Variants in SCHIP1 observed in about 807,000 individuals in gnomAD.
SCHIP1 encodes the protein schwannomin-interacting protein 1.
A neutral mutation model predicts 29.7 loss-of-function variants in SCHIP1; 8 were observed. That is an observed-to-expected ratio of 0.27 (90% confidence interval 0.16 to 0.49). The LOEUF (loss-of-function observed/expected upper bound fraction) is 0.49. Ranked by LOEUF, SCHIP1 falls within the 20% of genes least tolerant of loss-of-function variation. SCHIP1 has a pLI of 0.99. For missense variants in SCHIP1, 193 were observed against 294.6 expected, an observed-to-expected ratio of 0.66 and a Z score of 2.52; for synonymous variants, 76 against 94.9, an observed-to-expected ratio of 0.80 and a Z score of 1.16.
the SCHIP1 span, among the ~76,000 whole-genome samples, chr3:159,365,297 G>GTTAT: frequency 6.6e-6 from 1 of 152,092 alleles, no homozygotes; most frequent in African/African-American, 2.4e-5. Context: ...TATGTCACAG[G>GTTAT]TTATTACATG....
the SCHIP1 span, among the ~76,000 whole-genome samples, chr3:159,756,205 C>A: frequency 1.3e-5 from 2 of 152,238 alleles, no homozygotes; most frequent in East Asian, 3.8e-4. Context: ...GAGGGCCCCA[C>A]CCTTGCAGCA....
chr3:159,539,546 G>C, the SCHIP1 span, among the ~76,000 whole-genome samples: 1 of 135,332 alleles, frequency 7.4e-6, no homozygotes, highest in Non-Finnish European at 1.7e-5. Flanking sequence ...ACATATTTCT[G>C]TCCCTTCCCC....
the SCHIP1 span, among the ~76,000 whole-genome samples, chr3:159,296,883 A>G: frequency 6.6e-6 from 1 of 152,202 alleles, no homozygotes; most frequent in Admixed American, 6.5e-5. Context: ...TTATTATCTT[A>G]TAAACTAAAT....
chr3:159,684,837 G>GAA, the SCHIP1 span, among the ~76,000 whole-genome samples: 1 of 136,958 alleles, frequency 7.3e-6, no homozygotes, highest in East Asian at 2.1e-4. Context: ...AAAGAAAAAA[G>GAA]AAAAAAAAAA....
the SCHIP1 span, among the ~76,000 whole-genome samples, chr3:159,308,819 A>G: frequency 6.6e-6 from 1 of 152,184 alleles, no homozygotes; most frequent in Non-Finnish European, 1.5e-5. Context: ...ACACCATGGA[A>G]TACTATACAG....
the SCHIP1 span, among the ~76,000 whole-genome samples, chr3:159,324,904 A>G: frequency 2.0e-5 from 3 of 152,162 alleles, no homozygotes; most frequent in African/African-American, 7.2e-5. Flanking sequence ...ATAATAAAAC[A>G]ATGAATATTA....
chr3:159,477,441 C>T, the SCHIP1 span, among the ~76,000 whole-genome samples: 24 of 152,280 alleles, frequency 1.6e-4, no homozygotes, highest in African/African-American at 5.5e-4. Flanking sequence ...CTTTCACCAA[C>T]ACTTGCTATC....
the SCHIP1 span, among the ~76,000 whole-genome samples, chr3:159,442,842 G>C: frequency 6.6e-6 from 1 of 152,170 alleles, no homozygotes; most frequent in Non-Finnish European, 1.5e-5. Context: ...GCACTCCATT[G>C]CTGCAGTTAA....
chr3:159,821,755 C>T, the SCHIP1 span, among the ~76,000 whole-genome samples: 1 of 152,148 alleles, frequency 6.6e-6, no homozygotes, highest in South Asian at 2.1e-4. Context: ...TTTACCTTTT[C>T]ACTTAAAGGA....
the SCHIP1 span, among the ~76,000 whole-genome samples, chr3:159,586,958 T>A: frequency 6.6e-6 from 1 of 152,184 alleles, no homozygotes; most frequent in Admixed American, 6.5e-5. Context: ...GGCTATCATA[T>A]ACGTGTCAGC....
the SCHIP1 span, among the ~76,000 whole-genome samples, chr3:159,670,390 A>T: frequency 6.6e-6 from 1 of 152,240 alleles, no homozygotes; most frequent in East Asian, 1.9e-4. Flanking sequence ...TTGCACTTTT[A>T]CAAAGTATAT....
the SCHIP1 span, among the ~76,000 whole-genome samples, chr3:159,478,481 T>C: frequency 6.6e-6 from 1 of 152,180 alleles, no homozygotes; most frequent in South Asian, 2.1e-4. Flanking sequence ...TTGATTACAA[T>C]TGCTCTATAA....
At chr3:159,796,326 T>C in the SCHIP1 span, among the ~76,000 whole-genome samples, 1 of 151,244 alleles carries the variant, frequency 6.6e-6, no homozygotes, top group Non-Finnish European at 1.5e-5. Flanking sequence ...GCACGTTGAA[T>C]CATCAGAAGC....
the SCHIP1 span, among the ~76,000 whole-genome samples, chr3:159,443,502 C>G: frequency 2.6e-5 from 4 of 152,102 alleles, no homozygotes; most frequent in Non-Finnish European, 5.9e-5. Flanking sequence ...CCTGATGGTT[C>G]CAGTGAACTT....
At chr3:159,392,515 G>A in the SCHIP1 span, among the ~76,000 whole-genome samples, 1 of 146,530 alleles carries the variant, frequency 6.8e-6, no homozygotes. Context: ...GCGTCCATGT[G>A]ATCTCATTGT....
the SCHIP1 span, among the ~76,000 whole-genome samples, chr3:159,606,780 C>T: frequency 6.6e-6 from 1 of 152,130 alleles, no homozygotes; most frequent in African/African-American, 2.4e-5. Context: ...AGGGAAGGAA[C>T]AGAAAAGGTG....
At chr3:159,533,294 G>A in the SCHIP1 span, among the ~76,000 whole-genome samples, 9 of 152,160 alleles carry the variant, frequency 5.9e-5, no homozygotes, top group Non-Finnish European at 5.9e-5. Context: ...CTCCCCGTGA[G>A]AGAAAACAGA....
At chr3:159,502,148 ATCT>A in the SCHIP1 span, among the ~76,000 whole-genome samples, 1 of 152,242 alleles carries the variant, frequency 6.6e-6, no homozygotes, top group African/African-American at 2.4e-5. Context: ...GGGAAAAGAA[ATCT>A]TCTAACCAAC....
chr3:159,491,062 G>A, the SCHIP1 span, among the ~76,000 whole-genome samples: 2 of 152,188 alleles, frequency 1.3e-5, no homozygotes, highest in African/African-American at 4.8e-5. Context: ...TTCTGGGCAG[G>A]TAGGAAGACA....
Sources: allele counts gnomAD v4.1 joint callset (sites outside exome capture counted in the v4.1 genomes callset), GRCh38; gene constraint gnomAD v4.1.1; transcripts MANE v1.5; gene names NCBI Gene and HGNC (gene_info 2026-07-23, HGNC 2026-07-21).